The following DPH6 variants were observed in gnomAD, a reference collection of about 807,000 sequenced individuals.
The protein encoded by DPH6 is diphthine--ammonia ligase.
In DPH6, 33 loss-of-function variants were observed where a neutral mutation model predicts 38.2. The observed-to-expected ratio is 0.86, with a 90% CI of 0.65 to 1.15. The LOEUF (loss-of-function observed/expected upper bound fraction) is 1.15. DPH6 is among the 50% of genes most tolerant of loss of function. The pLI is 0.00. For missense variants in DPH6, 325 were observed against 320.0 expected, an observed-to-expected ratio of 1.02 and a Z score of -0.12; for synonymous variants, 108 against 103.0, an observed-to-expected ratio of 1.05 and a Z score of -0.30.
intron 2 of DPH6, among the ~76,000 whole-genome samples, chr15:35,541,289 T>G (rs908904084): frequency 4.6e-5 from 7 of 152,084 alleles, no homozygotes; most frequent in African/African-American, 1.2e-4. Flanking sequence ...CTGAAATAAC[T>G]GCTCACTATT....
chr15:35,450,887 A>G (rs1595376495), intron 4 of DPH6, 84 bp from the exon 5 acceptor site: 1 of 1,100,862 alleles, frequency 9.1e-7, no homozygotes, highest in East Asian at 2.5e-5. Context: ...GATTTGAAAC[A>G]TAATGCTTCG....
chr15:35,412,846 T>A (rs961036009), intron 5 of DPH6, among the ~76,000 whole-genome samples: 1 of 151,636 alleles, frequency 6.6e-6, no homozygotes. Context: ...CAAGGTTAAA[T>A]AGGCAGAACA....
chr15:35,348,692 A>T (rs1406717973), intron 3 of DPH6, among the ~76,000 whole-genome samples: 1 of 152,132 alleles, frequency 6.6e-6, no homozygotes, highest in Non-Finnish European at 1.5e-5. Context: ...TCTGAAAAAA[A>T]GCCTTTGGAA....
chr15:35,513,705 A>T (rs536785347), intron 3 of DPH6, among the ~76,000 whole-genome samples: 3 of 151,988 alleles, frequency 2.0e-5, no homozygotes, highest in Non-Finnish European at 4.4e-5. Context: ...CAAACTTTAT[A>T]GATCCTAACT....
At chr15:35,404,099 C>T (rs9788669) in intron 6 of DPH6, among the ~76,000 whole-genome samples, 46,660 of 151,950 alleles carry the variant, frequency 0.31, 7,889 homozygotes, top group African/African-American at 0.46. Flanking sequence ...AGTGTGTAAG[C>T]AGCACATTTT....
At chr15:35,351,085 C>T (rs745400915) in intron 3 of DPH6, among the ~76,000 whole-genome samples, 1 of 152,128 alleles carries the variant, frequency 6.6e-6, no homozygotes, top group African/African-American at 2.4e-5. Context: ...ATTCTTCATG[C>T]TTGCTGTATA....
In DPH6 at chr15:35,427,596, A is replaced by G. The variant is rs2053585228; in HGVS notation, c.506-16700T>C. 2.0e-5 allele frequency among the ~76,000 whole-genome samples: 3 copies of G among 152,050 alleles called. No individual in the cohort carries two copies. In the South Asian group the frequency reaches 6.2e-4, roughly 32 times the overall value. ...ACATCAGGATAAGGTTAACCTGCTAAGGTCAAATTGCCCACTGAGTCTATA... is the reference window on the plus strand; with the variant it reads ...ACATCAGGATAAGGTTAACCTGCTAGGGTCAAATTGCCCACTGAGTCTATA... On this transcript the variant is annotated intron_variant, in intron 5 of 8. Coordinates refer to ENST00000256538, the MANE Select transcript of DPH6 (RefSeq NM_080650.4).
chr15:35,466,966 T>C (rs987847871), intron 3 of DPH6, among the ~76,000 whole-genome samples: 6 of 152,178 alleles, frequency 3.9e-5, no homozygotes, highest in Non-Finnish European at 8.8e-5. Flanking sequence ...TGAGTGAATG[T>C]TGAGTGAATA....
At chr15:35,213,800 T>A (rs1000226521), downstream of DPH6, among the ~76,000 whole-genome samples, 1 of 152,148 alleles carries the variant, frequency 6.6e-6, no homozygotes, top group Non-Finnish European at 1.5e-5. Context: ...CTATCCTACG[T>A]GGTGAAATAC....
intron 6 of DPH6, among the ~76,000 whole-genome samples, chr15:35,394,009 C>A (rs1244204071): frequency 2.0e-5 from 3 of 152,130 alleles, no homozygotes; most frequent in Non-Finnish European, 4.4e-5. Flanking sequence ...TGTCTCAAAT[C>A]TTTTGATTAT....
chr15:35,242,132 C>T (rs188797487), intron 3 of DPH6, among the ~76,000 whole-genome samples: 5,837 of 143,290 alleles, frequency 0.041, 574 homozygotes, highest in African/African-American at 0.13. Context: ...TGGGCTGTAC[C>T]GCCGCAAAGC....
intron 3 of DPH6, among the ~76,000 whole-genome samples, chr15:35,510,204 T>A (rs2054749646): frequency 6.6e-6 from 1 of 152,022 alleles, no homozygotes; most frequent in Admixed American, 6.6e-5. Context: ...CAGAAGGAAA[T>A]CCTGACTCTA....
At chr15:35,445,233 A>G (rs970645513) in intron 5 of DPH6, among the ~76,000 whole-genome samples, 8 of 152,158 alleles carry the variant, frequency 5.3e-5, no homozygotes, top group Admixed American at 5.2e-4. Context: ...ATTAGAAGGA[A>G]ATCAAGCTGT....
chr15:35,205,555 G>A, the DPH6 span, among the ~76,000 whole-genome samples: 6 of 151,954 alleles, frequency 3.9e-5, no homozygotes, highest in Non-Finnish European at 8.8e-5. Flanking sequence ...TAAAAAGATT[G>A]ATCTTATCAA....
chr15:35,491,588 C>A (rs1001249380), intron 3 of DPH6, among the ~76,000 whole-genome samples: 3 of 149,118 alleles, frequency 2.0e-5, no homozygotes, highest in African/African-American at 5.0e-5. Flanking sequence ...CACACACACA[C>A]AGATTCTCTC....
intron 3 of DPH6, among the ~76,000 whole-genome samples, chr15:35,502,914 T>TTA (rs1437199400): frequency 6.8e-6 from 1 of 147,420 alleles, no homozygotes; most frequent in Non-Finnish European, 1.5e-5. Flanking sequence ...TTATATATAT[T>TTA]TATATATAAT....
intron 3 of DPH6, among the ~76,000 whole-genome samples, chr15:35,284,396 T>C (rs1490039687): frequency 1.3e-5 from 2 of 152,138 alleles, no homozygotes; most frequent in Non-Finnish European, 2.9e-5. Context: ...GCTAAATTTT[T>C]ATCCTGAAAT....
At chr15:35,468,220 G>A (rs571945026) in intron 3 of DPH6, among the ~76,000 whole-genome samples, 2 of 152,214 alleles carry the variant, frequency 1.3e-5, no homozygotes, top group Admixed American at 6.5e-5. Context: ...TCATGGTAAC[G>A]ATCCTTCAAG....
chr15:35,439,374 ATATTTGTTTCTCTC>A (rs1267645394), intron 5 of DPH6, among the ~76,000 whole-genome samples: 11 of 152,226 alleles, frequency 7.2e-5, no homozygotes, highest in Non-Finnish European at 1.5e-5. Context: ...AATTTGGAGC[ATATTTGTTTCTCTC>A]TGCCTGGCTT....
Sources: gnomAD v4.1 joint callset for allele counts (sites outside exome capture counted in the v4.1 genomes callset) on GRCh38, gnomAD v4.1.1 for gene constraint, MANE v1.5 for transcripts, NCBI Gene and HGNC (gene_info 2026-07-23, HGNC 2026-07-21) for gene names.